Variants in ERAP1 observed in about 807,000 individuals in gnomAD.
The protein encoded by ERAP1 is endoplasmic reticulum aminopeptidase 1.
A neutral mutation model predicts 103.7 loss-of-function variants in ERAP1; 86 were observed. The observed-to-expected ratio is 0.83, with a 90% CI of 0.70 to 0.99. The LOEUF (loss-of-function observed/expected upper bound fraction) is 0.99. Among genes scored for constraint, ERAP1 ranks in the 50% least tolerant of loss-of-function variants. ERAP1 has a pLI of 0.00. For missense variants in ERAP1, 1,009 were observed against 1,128.4 expected (o/e 0.89, Z 1.52); for synonymous variants, 398 against 402.4 (o/e 0.99, Z 0.13).
chr5:96,894,610 G>A, the ERAP1 span, among the ~76,000 whole-genome samples: 191 of 152,214 alleles, frequency 1.3e-3, 2 homozygotes, highest in African/African-American at 4.3e-3. Context: ...TAGGTAAAGG[G>A]TAAATATGTC....
upstream of ERAP1, chr5:96,808,229 TG>T: frequency 3.2e-6 from 2 of 634,724 alleles, no homozygotes; most frequent in Non-Finnish European, 3.9e-6. Context: ...TGTGTGTGTG[TG>T]TGTGTGTGTG....
At chr5:96,820,077 A>G in the ERAP1 span, among the ~76,000 whole-genome samples, 2 of 152,210 alleles carry the variant, frequency 1.3e-5, no homozygotes, top group Non-Finnish European at 2.9e-5. Flanking sequence ...CATCACAGGC[A>G]TATTCACTTT....
At chr5:96,905,300 G>T in the ERAP1 span, among the ~76,000 whole-genome samples, 2 of 152,110 alleles carry the variant, frequency 1.3e-5, no homozygotes, top group Admixed American at 6.5e-5. Context: ...AAATAAGTGC[G>T]AAGGGGAAAC....
chr5:96,793,547 C>G, intron 6 of ERAP1, 34 bp from the exon 7 acceptor site: 1 of 1,493,664 alleles, frequency 6.7e-7, no homozygotes, highest in Non-Finnish European at 9.3e-7. Flanking sequence ...AACAAAGACA[C>G]TCAGAAAGAA....
the ERAP1 span, among the ~76,000 whole-genome samples, chr5:96,856,394 A>AGC: frequency 9.3e-4 from 115 of 123,792 alleles, 3 homozygotes; most frequent in African/African-American, 3.2e-3. Context: ...AGAGAGAGAG[A>AGC]GCAAATACTT....
chr5:96,806,623 CTTTTTTTT>C (rs75649816), intron 1 of ERAP1, among the ~76,000 whole-genome samples: 21,036 of 127,828 alleles, frequency 0.16, 1,417 homozygotes, highest in Middle Eastern at 0.3. Context: ...CAAGATCCCT[CTTTTTTTT>C]TTTTTTTTTT....
chr5:96,797,209 T>G lies in ERAP1; in HGVS notation c.764A>C (p.Glu255Ala). 1 of 1,614,156 alleles carries G rather than the reference T, an allele frequency of 6.2e-7. No homozygotes were observed. Among genetic ancestry groups the G allele is most frequent in the Non-Finnish European group, 8.5e-7 (1 of 1,180,020 alleles). The stretch of plus-strand genomic sequence containing the variant: ...ACTCTTGGTTATCTTGCTGACAGAC[T>G]CAAAATCTGAAATGATGAAGGCCAC... ...YLVAFIISDFESVSKITKSGV... is the reference protein window; with the variant it reads ...YLVAFIISDFASVSKITKSGV... The change falls in exon 4 of 19, where the codon GAG becomes GCG. Residue 255 changes from glutamate to alanine, a missense_variant. By Grantham distance (107) the Glu-to-Ala change is moderately radical. Around this residue, in one of 3 missense-constraint regions of ERAP1, gnomAD observed 392 missense variants for 455.2 expected, o/e 0.86. Transcript: ENST00000443439.
At chr5:96,890,715 A>T in the ERAP1 span, among the ~76,000 whole-genome samples, 1 of 152,150 alleles carries the variant, frequency 6.6e-6, no homozygotes, top group Non-Finnish European at 1.5e-5. Flanking sequence ...TTCCAGGCTT[A>T]AAAAAATTAA....
At chr5:96,909,672 C>G in the ERAP1 span, 1 of 1,614,220 alleles carries the variant, frequency 6.2e-7, no homozygotes, top group East Asian at 2.2e-5. Context: ...GCTCGGCTCT[C>G]TTGAAGCTGG....
At chr5:96,858,024 G>T in the ERAP1 span, among the ~76,000 whole-genome samples, 1 of 152,174 alleles carries the variant, frequency 6.6e-6, no homozygotes, top group Non-Finnish European at 1.5e-5. Context: ...AAGGGCAGTG[G>T]CAGGGACCTG....
chr5:96,815,424 T>C, the ERAP1 span, among the ~76,000 whole-genome samples: 1 of 150,790 alleles, frequency 6.6e-6, no homozygotes, highest in Admixed American at 6.6e-5. Flanking sequence ...ATTTTTTTTT[T>C]TTTTGAGATG....
chr5:96,795,052 T>A lies in ERAP1; in HGVS notation c.909A>T (p.Leu303=). The part of the protein sequence containing the change: ...YEDYFSIPYP[L]PKQDLAAIPD... The stretch of plus-strand genomic sequence containing the variant: ...GTGCAAAATCTCTACCTTGTTTGGG[T>A]AGGGGATACGGTATGCTGAAATAAT... Residue 303 remains leucine (L), a synonymous_variant, in exon 5 of 19, where the codon CTA becomes CTT. Transcript: ENST00000443439. The A allele has an allele frequency of 6.2e-7, 1 of 1,613,990 alleles. No individual in the cohort carries two copies. The highest frequency in any genetic ancestry group is 8.5e-7 in the Non-Finnish European group (1 of 1,179,952).
Position 96,776,467 on chromosome 5 carries a change from T to C in ERAP1, c.2755A>G (p.Ile919Val). 2 of 1,614,220 alleles carry C rather than the reference T, an allele frequency of 1.2e-6. No homozygotes were observed. The highest frequency in any genetic ancestry group is 1.1e-5 in the South Asian group (1 of 91,070). Reference protein sequence around the residue: ...QQTIETIEENIGWMDKNFDKI... With the variant: ...QQTIETIEENVGWMDKNFDKI... ...TCAAAATTCTTATCCATCCAACCGATGTTTTCTTCAATGGTTTCAATTGTC... is the reference window on the plus strand; with the variant it reads ...TCAAAATTCTTATCCATCCAACCGACGTTTTCTTCAATGGTTTCAATTGTC... Residue 919 changes from isoleucine (I) to valine (V), a missense_variant, in exon 19 of 19, where the codon ATC becomes GTC. By Grantham distance (29) the Ile-to-Val change is conservative. Around this residue, in one of 3 missense-constraint regions of ERAP1, gnomAD observed 611 missense variants for 651.7 expected, o/e 0.94. Transcript: ENST00000443439.
Position 96,775,806 on chromosome 5 carries a change from A to T in ERAP1, c.*590T>A. On this transcript the variant is annotated 3_prime_UTR_variant, in exon 19 of 19. Transcript: ENST00000443439. ...GAATCAGGGAAGAACACCTCCACCT[A>T]CTACCTCCTCCGACCCCAGCTCCAG... 1 of 300,674 alleles carries T rather than the reference A, an allele frequency of 3.3e-6. No homozygotes were observed. The highest frequency in any genetic ancestry group is 4.9e-6 in the Non-Finnish European group (1 of 203,156). The allele number at this position is 300,674 out of a possible 1,614,324, so 18.6% of individuals were successfully genotyped here.
chr5:96,770,457 A>AT, downstream of ERAP1: 1 of 909,180 alleles, frequency 1.1e-6, no homozygotes, highest in Non-Finnish European at 1.8e-6. Context: ...GTCTGGATTA[A>AT]TTTAACTGCA....
the ERAP1 span, chr5:96,879,831 A>T: frequency 6.2e-7 from 1 of 1,614,110 alleles, no homozygotes; most frequent in Non-Finnish European, 8.5e-7. Context: ...TTCACTGAGG[A>T]TCCTGGGGCT....
chr5:96,847,083 C>CA, the ERAP1 span, among the ~76,000 whole-genome samples: 33,226 of 133,296 alleles, frequency 0.25, 4,725 homozygotes, highest in Non-Finnish European at 0.33. Context: ...TACTAAAATA[C>CA]AAAAAAAAAA....
downstream of ERAP1, chr5:96,774,333 A>T (rs1773542142): frequency 4.6e-6 from 1 of 218,162 alleles, no homozygotes; most frequent in South Asian, 1.6e-4. Context: ...ATTTATTTAA[A>T]AAGAACTCTG....
chr5:96,766,543 C>A (rs1425173252), intron 19 of ERAP1, among the ~76,000 whole-genome samples: 1 of 152,188 alleles, frequency 6.6e-6, no homozygotes, highest in Non-Finnish European at 1.5e-5. Context: ...ATTAATAAGG[C>A]AGCTCCAAGA....
Sources: gnomAD v4.1 joint callset for allele counts (sites outside exome capture counted in the v4.1 genomes callset) on GRCh38, gnomAD v4.1.1 for gene constraint, gnomAD v4.1.1 regional missense constraint, MANE v1.5 for transcripts, NCBI Gene and HGNC (gene_info 2026-07-23, HGNC 2026-07-21) for gene names.